Variants in CTNNA3 observed in about 807,000 individuals in gnomAD.
CTNNA3 encodes the protein catenin alpha-3.
A neutral mutation model predicts 95.7 loss-of-function variants in CTNNA3; 76 were observed. The ratio of observed to expected loss-of-function variants is 0.79; its 90% CI spans 0.66 to 0.96. The LOEUF (loss-of-function observed/expected upper bound fraction) is 0.96, where lower values mean the gene tolerates loss of function less well. Ranked by LOEUF, CTNNA3 falls within the 40% of genes least tolerant of loss-of-function variation. The pLI is 0.00. For synonymous variants in CTNNA3, 431 were observed against 374.4 expected, an observed-to-expected ratio of 1.15 and a Z score of -1.74; for missense variants, 1,191 against 1,089.8, an observed-to-expected ratio of 1.09 and a Z score of -1.31.
At chr10:66,435,351 C>T (rs567233936) in intron 11 of CTNNA3, among the ~76,000 whole-genome samples, 10 of 152,084 alleles carry the variant, frequency 6.6e-5, no homozygotes, top group South Asian at 2.1e-4. Context: ...TTCAGAGATT[C>T]GACTTTTTCC....
intron 7 of CTNNA3, among the ~76,000 whole-genome samples, chr10:66,896,380 G>A (rs565987503): frequency 3.3e-5 from 5 of 152,232 alleles, no homozygotes; most frequent in African/African-American, 1.2e-4. Context: ...AACAAGTTTA[G>A]GGGGTGTGGT....
chr10:67,053,858 T>A (rs1855268315), intron 7 of CTNNA3, among the ~76,000 whole-genome samples: 1 of 152,212 alleles, frequency 6.6e-6, no homozygotes, highest in Non-Finnish European at 1.5e-5. Context: ...TAAATGAGCA[T>A]GACTTGTATA....
At chr10:66,091,088 A>G (rs2133692859) in intron 14 of CTNNA3, among the ~76,000 whole-genome samples, 1 of 152,022 alleles carries the variant, frequency 6.6e-6, no homozygotes, top group South Asian at 2.1e-4. Context: ...ACCAGGGACT[A>G]ATAATTCAAC....
chr10:67,182,861 A>C (rs1862630059), intron 6 of CTNNA3, among the ~76,000 whole-genome samples: 1 of 152,246 alleles, frequency 6.6e-6, no homozygotes, highest in Non-Finnish European at 1.5e-5. Context: ...AAACAACCCC[A>C]TCAACAACTG....
At position 67,382,413 on chromosome 10, in the gene CTNNA3, TA is replaced by T. The variant is rs200037394; in HGVS notation, c.579+139428del. Among the ~76,000 whole-genome samples the T allele has an allele frequency of 8.1e-4, 123 of 152,286 alleles. 1 individual carries two copies. The East Asian group carries it at 0.02, about 24-fold the overall frequency. On this transcript the variant is annotated intron_variant, in intron 5 of 17. Transcript: ENST00000433211. ...AAACAGTGTAGGATAAATACATGTA[TA>T]AAATAAGCAGAATTAAAATAAAAAT...
In CTNNA3 at chr10:67,755,066, T is replaced by C. The variant is rs201694943; in HGVS notation, c.-2+8368A>G. 2.5e-4 allele frequency among the ~76,000 whole-genome samples: 38 copies of C among 152,034 alleles called. No homozygotes were observed. The East Asian group carries it at 6.2e-3, about 25-fold the overall frequency. ...AAAAAATTAAAAAATTACCAATGCC[T>C]GTAGTAGTCCTAGCTACTTATGAGG... On this transcript the variant is annotated intron_variant, in intron 1 of 17. Transcript: ENST00000684154.
chr10:65,945,724 C>T (rs1240176065), intron 17 of CTNNA3, among the ~76,000 whole-genome samples: 2 of 152,116 alleles, frequency 1.3e-5, no homozygotes, highest in Non-Finnish European at 2.9e-5. Context: ...CTCTCTGAGC[C>T]TTAGTCTGTC....
chr10:67,459,381 G>C (rs2132987581), intron 5 of CTNNA3, among the ~76,000 whole-genome samples: 1 of 152,318 alleles, frequency 6.6e-6, no homozygotes, highest in South Asian at 2.1e-4. Context: ...GATAATATCA[G>C]TGTCTGATTT....
chr10:66,866,992 A>G (rs954956783), intron 7 of CTNNA3, among the ~76,000 whole-genome samples: 5 of 152,064 alleles, frequency 3.3e-5, no homozygotes, highest in Non-Finnish European at 5.9e-5. Flanking sequence ...TGATGGTTTT[A>G]TAAGGGGTTT....
intron 13 of CTNNA3, among the ~76,000 whole-genome samples, chr10:66,274,799 G>A (rs2091356508): frequency 6.6e-6 from 1 of 152,054 alleles, no homozygotes; most frequent in Non-Finnish European, 1.5e-5. Flanking sequence ...TTAAGACAGT[G>A]ATAAATCAAT....
At chr10:67,236,211 G>T (rs540038101) in intron 5 of CTNNA3, among the ~76,000 whole-genome samples, 3 of 142,230 alleles carry the variant, frequency 2.1e-5, no homozygotes, top group African/African-American at 5.4e-5. Context: ...CACATGCACA[G>T]GTATGTTTAT....
At chr10:67,056,447 T>G (rs546943396) in intron 7 of CTNNA3, among the ~76,000 whole-genome samples, 1 of 152,286 alleles carries the variant, frequency 6.6e-6, no homozygotes, top group East Asian at 1.9e-4. Flanking sequence ...TTGCATTATT[T>G]TTCTTCATGA....
intron 12 of CTNNA3, among the ~76,000 whole-genome samples, chr10:66,305,804 T>C (rs1564853221): frequency 6.6e-6 from 1 of 152,174 alleles, no homozygotes; most frequent in Non-Finnish European, 1.5e-5. Context: ...ATAAAGCCCT[T>C]GTTACAATGG....
intron 1 of CTNNA3, among the ~76,000 whole-genome samples, chr10:67,675,868 T>C (rs1354302421): frequency 6.6e-6 from 1 of 152,164 alleles, no homozygotes; most frequent in East Asian, 1.9e-4. Context: ...AATTTTTGCA[T>C]TAATGTAATA....
At chr10:67,387,065 C>T (rs1403098975) in intron 5 of CTNNA3, among the ~76,000 whole-genome samples, 3 of 152,140 alleles carry the variant, frequency 2.0e-5, no homozygotes, top group Non-Finnish European at 4.4e-5. Context: ...CCAAGACGGC[C>T]GAATAGGAAC....
At chr10:67,107,734 G>C (rs145800177) in intron 7 of CTNNA3, among the ~76,000 whole-genome samples, 2,616 of 152,282 alleles carry the variant, frequency 0.017, 77 homozygotes, top group East Asian at 0.12. Flanking sequence ...GTGATAGTGA[G>C]ACAGCCAGGT....
chr10:67,034,438 T>G (rs1853917254), intron 7 of CTNNA3, among the ~76,000 whole-genome samples: 1 of 152,204 alleles, frequency 6.6e-6, no homozygotes, highest in Non-Finnish European at 1.5e-5. Context: ...TATGTTGGTT[T>G]ATGATCTATC....
intron 7 of CTNNA3, among the ~76,000 whole-genome samples, chr10:66,946,430 A>G (rs1848279851): frequency 6.6e-6 from 1 of 152,140 alleles, no homozygotes; most frequent in South Asian, 2.1e-4. Context: ...AAAAGTGCAC[A>G]TATGGTCAAT....
rs1035104028 is a variant in CTNNA3 at position 66,157,764 on chromosome 10, G to A, written c.1885-54515C>T. On this transcript the variant is annotated intron_variant, in intron 13 of 17. Coordinates refer to ENST00000433211, the MANE Select transcript of CTNNA3 (RefSeq NM_013266.4). ...CGCCACACTGTTTTCCATAGTGGCT[G>A]CATGAGTTTACATTCCCGCCTGCAG... Among the ~76,000 whole-genome samples, 3 of 152,090 alleles carry A rather than the reference G, an allele frequency of 2.0e-5. No homozygotes were observed. In the South Asian group the frequency reaches 6.2e-4, roughly 32 times the overall value.
Sources: allele counts gnomAD v4.1 joint callset (sites outside exome capture counted in the v4.1 genomes callset), GRCh38; gene constraint gnomAD v4.1.1; transcripts MANE v1.5; gene names NCBI Gene and HGNC (gene_info 2026-07-23, HGNC 2026-07-21).